RBMS2: variants seen among roughly 807,000 people sequenced by gnomAD.
The protein encoded by RBMS2 is RNA binding motif single stranded interacting protein 2.
A neutral mutation model predicts 58.4 loss-of-function variants in RBMS2; 38 were observed. That is an observed-to-expected ratio of 0.65 (90% CI 0.50 to 0.85). The LOEUF is 0.85. Ranked by LOEUF, RBMS2 falls within the 40% of genes least tolerant of loss-of-function variation. RBMS2 has a pLI of 0.00. For missense variants in RBMS2, 367 were observed against 503.7 expected (o/e 0.73, Z 2.60); for synonymous variants, 151 against 180.7 (o/e 0.84, Z 1.32).
chr12:56,538,162 A>G (rs900573898), intron 1 of RBMS2, among the ~76,000 whole-genome samples: 4 of 151,900 alleles, frequency 2.6e-5, no homozygotes, highest in African/African-American at 9.7e-5. Context: ...CCTCCCGGGT[A>G]GCTGGGATTA....
At chr12:56,532,581 T>C (rs1309598898) in intron 1 of RBMS2, among the ~76,000 whole-genome samples, 1 of 152,072 alleles carries the variant, frequency 6.6e-6, no homozygotes, top group Non-Finnish European at 1.5e-5. Flanking sequence ...AAAAAAACTT[T>C]TTCTTCTTCT....
chr12:56,558,756 C>T (rs1297587935), intron 1 of RBMS2, among the ~76,000 whole-genome samples: 1 of 102,118 alleles, frequency 9.8e-6, no homozygotes, highest in Admixed American at 1.1e-4. Flanking sequence ...CCACCATGCA[C>T]ACCTAATTTT....
intron 9 of RBMS2, among the ~76,000 whole-genome samples, chr12:56,586,054 C>T (rs1884622358): frequency 6.6e-6 from 1 of 151,716 alleles, no homozygotes; most frequent in Non-Finnish European, 1.5e-5. Context: ...GTGGGCCGGG[C>T]ACGGTGGCTC....
chr12:56,522,630 G>A (rs1191813773), intron 1 of RBMS2, among the ~76,000 whole-genome samples: 2 of 152,094 alleles, frequency 1.3e-5, no homozygotes, highest in Non-Finnish European at 2.9e-5. Flanking sequence ...TATAGAGAAG[G>A]AGTCTTGAGA....
chr12:56,584,570 G>A (rs957819187), intron 9 of RBMS2, among the ~76,000 whole-genome samples: 2 of 152,048 alleles, frequency 1.3e-5, no homozygotes, highest in Non-Finnish European at 2.9e-5. Flanking sequence ...CGGATCACAA[G>A]GTCAGGAGAT....
chr12:56,574,380 G>C (rs1344840508), intron 5 of RBMS2, among the ~76,000 whole-genome samples: 2 of 152,158 alleles, frequency 1.3e-5, no homozygotes, highest in Admixed American at 6.6e-5. Flanking sequence ...CTCATTTCCT[G>C]TTACGTATTG....
chr12:56,544,163 C>T (rs968869007), intron 1 of RBMS2, among the ~76,000 whole-genome samples: 8 of 152,042 alleles, frequency 5.3e-5, no homozygotes, highest in Non-Finnish European at 8.8e-5. Context: ...GTAATCCCAG[C>T]TACTCAGGAG....
rs373307197 is a variant in RBMS2 at position 56,584,464 on chromosome 12, A to G, written c.873+2312A>G. On this transcript the variant is annotated intron_variant, in intron 9 of 13. Coordinates refer to ENST00000262031, the MANE Select transcript of RBMS2 (RefSeq NM_002898.4). ...AAAAAAAAAAGTTTAAAATTTCTATATAGTTAAATTTGTCTTTTTCTTTTA... is the reference window on the plus strand; with the variant it reads ...AAAAAAAAAAGTTTAAAATTTCTATGTAGTTAAATTTGTCTTTTTCTTTTA... Among the ~76,000 whole-genome samples the G allele has an allele frequency of 2.0e-3, 308 of 151,560 alleles. 3 individuals carry two copies. The highest frequency in any genetic ancestry group is 6.5e-3 in the African/African-American group (268 of 41,262).
intron 10 of RBMS2, among the ~76,000 whole-genome samples, chr12:56,587,238 G>T (rs1374685614): frequency 1.3e-5 from 2 of 151,218 alleles, no homozygotes; most frequent in Non-Finnish European, 2.9e-5. Flanking sequence ...TTGCACTCCA[G>T]TCTGGGCAAT....
chr12:56,563,459 A>G (rs1880798410), intron 2 of RBMS2, among the ~76,000 whole-genome samples: 1 of 152,212 alleles, frequency 6.6e-6, no homozygotes, highest in African/African-American at 2.4e-5. Context: ...AAATTAGCAG[A>G]TAAAGAAGGT....
At chr12:56,546,452 AATAAT>A (rs1877260998) in intron 1 of RBMS2, among the ~76,000 whole-genome samples, 1 of 122,428 alleles carries the variant, frequency 8.2e-6, no homozygotes, top group African/African-American at 2.9e-5. Context: ...TGTATAATAA[AATAAT>A]ATAAAATAAA....
At chr12:56,569,592 T>G (rs748765704) in intron 3 of RBMS2, among the ~76,000 whole-genome samples, 22 of 152,176 alleles carry the variant, frequency 1.4e-4, no homozygotes, top group Admixed American at 5.2e-4. Context: ...GTGAATTCTT[T>G]TAGAGGTGTA....
intron 1 of RBMS2, among the ~76,000 whole-genome samples, chr12:56,523,570 G>A (rs1415113731): frequency 6.6e-6 from 1 of 152,204 alleles, no homozygotes; most frequent in Non-Finnish European, 1.5e-5. Context: ...CTTGAGGTCA[G>A]GAGTTCGAGA....
chr12:56,563,812 A>T (rs867883199), intron 2 of RBMS2, among the ~76,000 whole-genome samples: 23 of 152,104 alleles, frequency 1.5e-4, no homozygotes, highest in South Asian at 2.1e-4. Flanking sequence ...AAAAAATTTT[A>T]AAACTGGTCC....
At chr12:56,582,948 C>T (rs1166733397) in intron 9 of RBMS2, among the ~76,000 whole-genome samples, 1 of 152,140 alleles carries the variant, frequency 6.6e-6, no homozygotes, top group South Asian at 2.1e-4. Flanking sequence ...GCGCCACGCC[C>T]AGCCGTGATC....
In RBMS2 at chr12:56,589,203, C is replaced by T; in HGVS notation, c.*70C>T. The stretch of plus-strand genomic sequence containing the variant: ...TTGGAGATACTCATGCTCCCAGATT[C>T]CAGAGGGTTAACCAGGAATGGAGAC... On this transcript the variant is annotated 3_prime_UTR_variant, in exon 14 of 14. Transcript: ENST00000262031. 1 of 1,517,500 alleles carries T rather than the reference C, an allele frequency of 6.6e-7. No individual in the cohort carries two copies. The highest frequency in any genetic ancestry group is 8.9e-7 in the Non-Finnish European group (1 of 1,129,836). The allele number at this position is 1,517,500 out of a possible 1,614,324, so 94.0% of individuals were successfully genotyped here.
chr12:56,587,778 G>A lies in RBMS2; in HGVS notation c.1062+114G>A, dbSNP rs942235726. 83 of 1,377,782 alleles carry A rather than the reference G, an allele frequency of 6.0e-5. No individual in the cohort carries two copies. The Middle Eastern group carries it at 7.3e-4, about 12-fold the overall frequency. 85.3% of individuals were successfully genotyped at this position (1,377,782 alleles called of 1,614,324 possible). ...TGATGGAATTACTTCAGTGTCATCC[G>A]GGGCACACTCAGAACAGGACATAAA... is the stretch of plus-strand genomic sequence containing the variant. On this transcript the variant is annotated intron_variant, in intron 11 of 13. Coordinates refer to ENST00000262031, the MANE Select transcript of RBMS2 (RefSeq NM_002898.4).
chr12:56,576,919 T>C (rs1339238195), intron 5 of RBMS2, among the ~76,000 whole-genome samples: 1 of 149,712 alleles, frequency 6.7e-6, no homozygotes, highest in Non-Finnish European at 1.5e-5. Context: ...TGGGCACCTG[T>C]AATTCCAGCT....
intron 1 of RBMS2, among the ~76,000 whole-genome samples, chr12:56,547,319 C>T (rs886208046): frequency 4.6e-5 from 7 of 151,696 alleles, no homozygotes; most frequent in Non-Finnish European, 1.0e-4. Flanking sequence ...CGCACCACTG[C>T]ACTCCAGCCT....
Sources: gnomAD v4.1 joint callset for allele counts (sites outside exome capture counted in the v4.1 genomes callset) on GRCh38, gnomAD v4.1.1 for gene constraint, MANE v1.5 for transcripts, NCBI Gene and HGNC (gene_info 2026-07-23, HGNC 2026-07-21) for gene names.